Variants in TBC1D14 observed in about 807,000 individuals in gnomAD.
The protein encoded by TBC1D14 is TBC1 domain family member 14, also known as TBC1 domain family, member 14.
In TBC1D14, 26 loss-of-function variants were observed where a neutral mutation model predicts 79.0. The observed-to-expected ratio is 0.33, with a 90% CI of 0.24 to 0.46. The LOEUF (loss-of-function observed/expected upper bound fraction) is 0.46, where lower values mean the gene tolerates loss of function less well. Ranked by LOEUF, TBC1D14 falls within the 20% of genes least tolerant of loss-of-function variation. TBC1D14 has a pLI of 1.00. For missense variants in TBC1D14, 769 were observed against 887.6 expected, an observed-to-expected ratio of 0.87 and a Z score of 1.70; for synonymous variants, 394 against 349.9, an observed-to-expected ratio of 1.13 and a Z score of -1.40.
At chr4:6,938,695 C>G (rs377172744) in intron 2 of TBC1D14, among the ~76,000 whole-genome samples, 2 of 152,208 alleles carry the variant, frequency 1.3e-5, no homozygotes, top group African/African-American at 4.8e-5. Context: ...CCCTCTCCAG[C>G]CTCCATGAGA....
intron 7 of TBC1D14, among the ~76,000 whole-genome samples, chr4:7,002,745 C>T (rs2109208417): frequency 6.6e-6 from 1 of 152,338 alleles, no homozygotes; most frequent in East Asian, 1.9e-4. Context: ...TGAATGCTGC[C>T]TTACTGGGTC....
At chr4:6,988,710 G>C (rs7665188) in intron 3 of TBC1D14, among the ~76,000 whole-genome samples, 149,194 of 152,260 alleles carry the variant, frequency 0.98, 73,112 homozygotes, top group East Asian at 1. Context: ...CCTCTTCTAG[G>C]TAAAATAGAT....
chr4:6,991,540 T>C (rs1436385037), intron 3 of TBC1D14, among the ~76,000 whole-genome samples: 1 of 152,220 alleles, frequency 6.6e-6, no homozygotes, highest in Non-Finnish European at 1.5e-5. Context: ...AAACCATGCC[T>C]GCCTCAGGTA....
intron 13 of TBC1D14, among the ~76,000 whole-genome samples, chr4:7,026,245 G>C (rs1031748913): frequency 2.6e-5 from 4 of 151,922 alleles, no homozygotes; most frequent in Non-Finnish European, 5.9e-5. Context: ...TGCAGTGTCA[G>C]TGACTGTGGA....
At chr4:7,018,511 T>G (rs562005718) in intron 12 of TBC1D14, among the ~76,000 whole-genome samples, 16 of 152,366 alleles carry the variant, frequency 1.1e-4, no homozygotes, top group African/African-American at 3.6e-4. Context: ...GAGTCACCTC[T>G]GTGTCCCCAG....
At chr4:6,960,401 C>T (rs984604707) in intron 2 of TBC1D14, among the ~76,000 whole-genome samples, 1 of 152,014 alleles carries the variant, frequency 6.6e-6, no homozygotes, top group East Asian at 1.9e-4. Context: ...CTACCCCGTG[C>T]CTTTTGCTAC....
chr4:6,909,989 G>A (rs952778220), intron 1 of TBC1D14, 38 bp downstream of exon 1: 3 of 147,482 alleles, frequency 2.0e-5, no homozygotes, highest in African/African-American at 7.3e-5. Flanking sequence ...GCCGCGGGCC[G>A]CGAGGGAGGG....
chr4:7,029,303 C>T (rs1181963850), intron 13 of TBC1D14, among the ~76,000 whole-genome samples: 1 of 152,186 alleles, frequency 6.6e-6, no homozygotes, highest in Non-Finnish European at 1.5e-5. Flanking sequence ...GGTTCCTGGC[C>T]CCAGGCAGGT....
At chr4:6,924,377 G>A (rs1724115141) in intron 2 of TBC1D14, among the ~76,000 whole-genome samples, 1 of 152,144 alleles carries the variant, frequency 6.6e-6, no homozygotes. Flanking sequence ...CCCACAGGTG[G>A]CCAGTGTTAC....
intron 2 of TBC1D14, among the ~76,000 whole-genome samples, chr4:6,925,724 G>C (rs1454740798): frequency 6.6e-6 from 1 of 152,186 alleles, no homozygotes; most frequent in African/African-American, 2.4e-5. Flanking sequence ...CTTTGGGGGA[G>C]ATCTTGTCAC....
intron 9 of TBC1D14, among the ~76,000 whole-genome samples, chr4:7,009,001 CTG>C (rs748319686): frequency 1.3e-5 from 2 of 152,196 alleles, no homozygotes; most frequent in Admixed American, 6.5e-5. Context: ...TTTTGTCCCT[CTG>C]TGATTTGGAA....
At chr4:6,929,764 A>C (rs1414836232) in intron 2 of TBC1D14, among the ~76,000 whole-genome samples, 1 of 152,214 alleles carries the variant, frequency 6.6e-6, no homozygotes, top group Non-Finnish European at 1.5e-5. Context: ...CTTGATGAGA[A>C]TGAGTTAAAC....
At chr4:6,910,055 G>A (rs1314505267) in intron 1 of TBC1D14, 104 bp downstream of exon 1, 1 of 148,286 alleles carries the variant, frequency 6.7e-6, no homozygotes, top group Non-Finnish European at 1.5e-5. Context: ...GGAGCGGCCG[G>A]GGCGAGGCAG....
chr4:7,011,888 C>T (rs942786505), intron 11 of TBC1D14, among the ~76,000 whole-genome samples: 5 of 151,964 alleles, frequency 3.3e-5, no homozygotes, highest in African/African-American at 9.7e-5. Flanking sequence ...TAATTATTAC[C>T]AGTACTTCAA....
At chr4:6,950,328 C>T (rs867822145) in intron 2 of TBC1D14, among the ~76,000 whole-genome samples, 3 of 152,184 alleles carry the variant, frequency 2.0e-5, no homozygotes, top group Non-Finnish European at 4.4e-5. Flanking sequence ...ATCCATAGTT[C>T]ATTTGGATCC....
intron 2 of TBC1D14, among the ~76,000 whole-genome samples, chr4:6,936,186 C>G (rs1318034608): frequency 1.3e-5 from 2 of 152,180 alleles, no homozygotes; most frequent in Admixed American, 1.3e-4. Context: ...GAGTCTACAT[C>G]AGGGGCCACC....
chr4:6,964,776 A>G (rs1715552916), intron 2 of TBC1D14, among the ~76,000 whole-genome samples: 1 of 152,222 alleles, frequency 6.6e-6, no homozygotes, highest in African/African-American at 2.4e-5. Context: ...GGAAGGAAAC[A>G]GTGAAACTAT....
chr4:6,942,457 G>C (rs1160485662), intron 2 of TBC1D14, among the ~76,000 whole-genome samples: 1 of 152,220 alleles, frequency 6.6e-6, no homozygotes, highest in Non-Finnish European at 1.5e-5. Context: ...TAGAGTTGCA[G>C]AATAGCCCTT....
At position 7,010,525 on chromosome 4, in the gene TBC1D14, G is replaced by A. The variant is rs372429754; in HGVS notation, c.1519-128G>A. On this transcript the variant is annotated intron_variant, in intron 10 of 13. Coordinates refer to ENST00000409757, the MANE Select transcript of TBC1D14 (RefSeq NM_020773.3). The stretch of plus-strand genomic sequence containing the variant: ...GAGGGCAGTTCAGCGTTGGGTGGCC[G>A]GAGGAGTGGGGCGGCTCTAGGGACA... 6.0e-3 allele frequency: 6,935 copies of A among 1,153,506 alleles called. 36 individuals carry two copies. The highest frequency in any genetic ancestry group is 6.9e-3 in the Non-Finnish European group (5,792 of 839,360). The allele number at this position is 1,153,506 out of a possible 1,614,324, so 71.5% of individuals were successfully genotyped here.
Sources: allele counts gnomAD v4.1 joint callset (sites outside exome capture counted in the v4.1 genomes callset), GRCh38; gene constraint gnomAD v4.1.1; transcripts MANE v1.5; gene names NCBI Gene and HGNC (gene_info 2026-07-23, HGNC 2026-07-21).